Variants in SGPP2 observed in about 807,000 individuals in gnomAD.
SGPP2 encodes sphingosine-1-phosphate phosphatase 2, also known as sphingosine 1-phosphate phosphohydrolase 2.
A neutral mutation model predicts 33.9 loss-of-function variants in SGPP2; 30 were observed. The ratio of observed to expected loss-of-function variants is 0.89; its 90% CI spans 0.66 to 1.20. The LOEUF (loss-of-function observed/expected upper bound fraction) is 1.20. Among genes scored for constraint, SGPP2 ranks in the 50% most tolerant of loss-of-function variants. The probability of loss-of-function intolerance (pLI) is 0.00; values close to 1 mark genes in which losing one functional copy is unlikely to be tolerated. For synonymous variants in SGPP2, 233 were observed against 225.0 expected, an observed-to-expected ratio of 1.04 and a Z score of -0.32; for missense variants, 458 against 532.1, an observed-to-expected ratio of 0.86 and a Z score of 1.37.
At chr2:222,513,083 A>C (rs917266933) in intron 2 of SGPP2, among the ~76,000 whole-genome samples, 2 of 152,222 alleles carry the variant, frequency 1.3e-5, no homozygotes, top group Non-Finnish European at 2.9e-5. Flanking sequence ...ACCATTTTGC[A>C]TTCCTATAAG....
At chr2:222,437,966 T>C (rs1313768743) in intron 1 of SGPP2, among the ~76,000 whole-genome samples, 1 of 152,210 alleles carries the variant, frequency 6.6e-6, no homozygotes, top group East Asian at 1.9e-4. Context: ...CTGGGTCATA[T>C]GGCCCAAGTG....
chr2:222,462,307 G>A (rs1697674389), intron 1 of SGPP2, among the ~76,000 whole-genome samples: 1 of 152,134 alleles, frequency 6.6e-6, no homozygotes, highest in Non-Finnish European at 1.5e-5. Flanking sequence ...GAAGTGAGTA[G>A]GGAGCTAGAA....
chr2:222,474,002 G>C (rs764338088), intron 1 of SGPP2, among the ~76,000 whole-genome samples: 15 of 151,952 alleles, frequency 9.9e-5, no homozygotes, highest in Non-Finnish European at 1.6e-4. Flanking sequence ...AAATGTTTGA[G>C]GTGACAGACA....
intron 1 of SGPP2, among the ~76,000 whole-genome samples, chr2:222,442,365 T>A (rs1697338025): frequency 6.6e-6 from 1 of 152,228 alleles, no homozygotes; most frequent in Non-Finnish European, 1.5e-5. Context: ...GTGGTTGAAG[T>A]AAAGGAATTT....
chr2:222,499,323 A>T (rs1698330769), intron 2 of SGPP2, among the ~76,000 whole-genome samples: 1 of 152,214 alleles, frequency 6.6e-6, no homozygotes, highest in South Asian at 2.1e-4. Context: ...AATGGAGCAG[A>T]GTTAATCACT....
At chr2:222,438,931 TG>T (rs1157606907) in intron 1 of SGPP2, among the ~76,000 whole-genome samples, 2 of 152,150 alleles carry the variant, frequency 1.3e-5, no homozygotes, top group African/African-American at 4.8e-5. Flanking sequence ...AGGGAGCCAA[TG>T]GGGGGGTTCT....
At chr2:222,545,185 T>A (rs1433700945) in intron 4 of SGPP2, among the ~76,000 whole-genome samples, 1 of 152,210 alleles carries the variant, frequency 6.6e-6, no homozygotes, top group East Asian at 1.9e-4. Context: ...ATGATTTCTT[T>A]CTTCGCTCCG....
intron 4 of SGPP2, among the ~76,000 whole-genome samples, chr2:222,551,621 C>T (rs1689295474): frequency 6.6e-6 from 1 of 152,162 alleles, no homozygotes; most frequent in South Asian, 2.1e-4. Flanking sequence ...GTCTTTATTA[C>T]AATATCACCT....
At chr2:222,503,952 A>T (rs1698404819) in intron 2 of SGPP2, 1 of 152,174 alleles carries the variant, frequency 6.6e-6, no homozygotes, top group South Asian at 2.1e-4. Flanking sequence ...CATACCAAAA[A>T]AACAGCTTGA....
chr2:222,556,233 A>G (rs781612637), intron 4 of SGPP2, among the ~76,000 whole-genome samples: 1 of 152,100 alleles, frequency 6.6e-6, no homozygotes, highest in Non-Finnish European at 1.5e-5. Context: ...AGAAGCCTAT[A>G]TGAAGGATTT....
chr2:222,446,777 G>A (rs1392057039), intron 1 of SGPP2, among the ~76,000 whole-genome samples: 1 of 152,168 alleles, frequency 6.6e-6, no homozygotes, highest in Non-Finnish European at 1.5e-5. Context: ...AATCAAAGAT[G>A]GATGCCTTCT....
At chr2:222,499,307 C>A (rs567983674) in intron 2 of SGPP2, among the ~76,000 whole-genome samples, 3 of 152,320 alleles carry the variant, frequency 2.0e-5, no homozygotes, top group African/African-American at 7.2e-5. Context: ...ATCAACCACC[C>A]CTCCTAATGG....
At chr2:222,511,274 G>C (rs549012774) in intron 2 of SGPP2, among the ~76,000 whole-genome samples, 1 of 152,158 alleles carries the variant, frequency 6.6e-6, no homozygotes, top group Admixed American at 6.5e-5. Context: ...TCTGCCTGGG[G>C]TGAATGGTCG....
At chr2:222,474,509 A>G in intron 1 of SGPP2, 59 bp from the exon 2 acceptor site, 1 of 1,499,102 alleles carries the variant, frequency 6.7e-7, no homozygotes, top group Non-Finnish European at 9.2e-7. Flanking sequence ...TTAGACAGAG[A>G]TGTTTAAAAC....
At chr2:222,484,739 A>G (rs902283019) in intron 2 of SGPP2, among the ~76,000 whole-genome samples, 57 of 152,330 alleles carry the variant, frequency 3.7e-4, no homozygotes, top group African/African-American at 1.3e-3. Context: ...TACTGCCTGC[A>G]GGCGGATTGG....
intron 1 of SGPP2, among the ~76,000 whole-genome samples, chr2:222,437,157 A>G (rs1040898761): frequency 6.6e-5 from 10 of 152,248 alleles, no homozygotes; most frequent in Non-Finnish European, 1.3e-4. Flanking sequence ...TGGGCCACTC[A>G]GAGAGTTCCA....
rs182306800 is a variant in SGPP2 at position 222,433,826 on chromosome 2, T to C, written c.219+9005T>C. 3.6e-3 allele frequency among the ~76,000 whole-genome samples: 553 copies of C among 152,380 alleles called. 3 individuals are homozygous for C. Among genetic ancestry groups the C allele is most frequent in the South Asian group, 0.019 (90 of 4,830 alleles). ...AAGGGAGGTATTGCTAAAAAGTTAG[T>C]TGATGGTGAAACATCTGACAAGTTT... On this transcript the variant is annotated intron_variant, in intron 1 of 4. Coordinates refer to ENST00000321276, the MANE Select transcript of SGPP2 (RefSeq NM_152386.4).
At chr2:222,496,832 C>T (rs909736036) in intron 2 of SGPP2, among the ~76,000 whole-genome samples, 2 of 152,190 alleles carry the variant, frequency 1.3e-5, no homozygotes, top group African/African-American at 4.8e-5. Context: ...TCTGCATTCC[C>T]TCCCAGTTGG....
intron 1 of SGPP2, among the ~76,000 whole-genome samples, chr2:222,426,925 C>T (rs772224883): frequency 3.9e-5 from 6 of 152,206 alleles, no homozygotes; most frequent in Non-Finnish European, 7.3e-5. Flanking sequence ...CCTGCCTGAG[C>T]TGCCTGTCTT....
Sources: allele counts gnomAD v4.1 joint callset (sites outside exome capture counted in the v4.1 genomes callset), GRCh38; gene constraint gnomAD v4.1.1; transcripts MANE v1.5; gene names NCBI Gene and HGNC (gene_info 2026-07-23, HGNC 2026-07-21).